RAPGEF1: variants seen among roughly 807,000 people sequenced by gnomAD.
The protein encoded by RAPGEF1 is Rap guanine nucleotide exchange factor 1, also known as CRK SH3-binding GNRP.
Under a neutral mutation model 143.3 loss-of-function variants are expected in RAPGEF1, and 33 were observed. The observed-to-expected ratio is 0.23, with a 90% CI of 0.17 to 0.31. RAPGEF1 has a LOEUF of 0.31. RAPGEF1 is among the 10% of genes least tolerant of loss of function. The probability of loss-of-function intolerance (pLI) is 1.00; values close to 1 mark genes in which losing one functional copy is unlikely to be tolerated. For missense variants in RAPGEF1, 1,199 were observed against 1,645.4 expected, an observed-to-expected ratio of 0.73 and a Z score of 4.69; for synonymous variants, 629 against 676.5, an observed-to-expected ratio of 0.93 and a Z score of 1.09.
At chr9:131,702,370 T>C (rs1371022963) in intron 1 of RAPGEF1, among the ~76,000 whole-genome samples, 3 of 152,198 alleles carry the variant, frequency 2.0e-5, no homozygotes, top group African/African-American at 7.2e-5. Flanking sequence ...AACTCAGCAC[T>C]TGAATGAGAT....
At chr9:131,724,064 T>C (rs1431880082) in intron 1 of RAPGEF1, among the ~76,000 whole-genome samples, 3 of 152,222 alleles carry the variant, frequency 2.0e-5, no homozygotes, top group Non-Finnish European at 4.4e-5. Context: ...AATGGAATAG[T>C]TGATACCAGT....
At chr9:131,639,467 T>TGTGA (rs1233904740) in intron 4 of RAPGEF1, among the ~76,000 whole-genome samples, 17 of 143,334 alleles carry the variant, frequency 1.2e-4, no homozygotes, top group Admixed American at 3.5e-4. Flanking sequence ...TGTGTGTGTG[T>TGTGA]GAGAGAGAGA....
Position 131,650,850 on chromosome 9 carries a change from G to C in RAPGEF1, c.161C>G (p.Ala54Gly). ...KRTPSKKGKPAEVSVKIPEKP... is the reference protein window; with the variant it reads ...KRTPSKKGKPGEVSVKIPEKP... ...CTCTGGAATCTTTACGGACACCTCA[G>C]CTGGTTTTCCCTTCTTTGATGGCGT... Residue 54 changes from alanine to glycine, a missense_variant, in exon 2 of 27, where the codon GCT (alanine) becomes GGT (glycine). Ala to Gly is a moderately conservative substitution (Grantham distance 60). This residue lies in a region of RAPGEF1 where 613 missense variants were observed against 710.9 expected (regional missense o/e 0.86). Transcript: ENST00000683357. The surrounding 1 kb of genome is among the most constrained non-coding windows in gnomAD (Gnocchi z 4.7). The C allele has an allele frequency of 6.2e-7, 1 of 1,614,028 alleles. No individual in the cohort carries two copies. Among genetic ancestry groups the C allele is most frequent in the Non-Finnish European group, 8.5e-7 (1 of 1,179,900 alleles).
At chr9:131,639,847 A>G (rs1018748186) in intron 4 of RAPGEF1, among the ~76,000 whole-genome samples, 1 of 152,260 alleles carries the variant, frequency 6.6e-6, no homozygotes, top group East Asian at 1.9e-4. Flanking sequence ...ATTTAGAACA[A>G]AAATGTGAAC....
chr9:131,600,913 T>G lies in RAPGEF1; in HGVS notation c.2501+1148A>C, dbSNP rs1956159500. Among the ~76,000 whole-genome samples the G allele has an allele frequency of 9.2e-5, 14 of 152,276 alleles. 1 individual carries two copies. The South Asian group carries it at 2.9e-3, about 32-fold the overall frequency. ...GCTCACGCCTGTAATCCCAGCACTTTGGGAGGCTGGGGCAGGTGGATCATG... is the reference window on the plus strand; with the variant it reads ...GCTCACGCCTGTAATCCCAGCACTTGGGGAGGCTGGGGCAGGTGGATCATG... On this transcript the variant is annotated intron_variant, in intron 15 of 26. Transcript: ENST00000683357.
intron 14 of RAPGEF1, among the ~76,000 whole-genome samples, chr9:131,603,483 G>A (rs1362269892): frequency 6.6e-6 from 1 of 152,280 alleles, no homozygotes; most frequent in African/African-American, 2.4e-5. Flanking sequence ...AGGGGCTATG[G>A]GCCAGACTCA....
chr9:131,636,099 A>G (rs1160803301), intron 5 of RAPGEF1, among the ~76,000 whole-genome samples: 1 of 152,206 alleles, frequency 6.6e-6, no homozygotes, highest in East Asian at 1.9e-4. Flanking sequence ...AAGGAAGGTC[A>G]TCATACCCTT....
chr9:131,714,914 G>A (rs757394810), intron 1 of RAPGEF1, among the ~76,000 whole-genome samples: 24 of 151,960 alleles, frequency 1.6e-4, no homozygotes, highest in Non-Finnish European at 2.9e-5. Flanking sequence ...ATCTTGCTTG[G>A]TTGCCAGGCT....
rs1967897125 is a variant in RAPGEF1 at position 131,641,292 on chromosome 9, C to G, written c.494+1947G>C. ...CCTCTTCCCACTGTTCCCCTCTCGT[C>G]CATGCTCTAGGACATATACCCTCTG... On this transcript the variant is annotated intron_variant, in intron 4 of 26. Coordinates refer to ENST00000683357, the MANE Select transcript of RAPGEF1 (RefSeq NM_001377935.1). The surrounding 1 kb of genome is among the most constrained non-coding windows in gnomAD (Gnocchi z 4.6). 6.6e-6 allele frequency among the ~76,000 whole-genome samples: 1 copy of G among 152,192 alleles called. No individual in the cohort carries two copies. The highest frequency in any genetic ancestry group is 6.5e-5 in the Admixed American group (1 of 15,284).
At chr9:131,724,727 T>C (rs749879195) in intron 1 of RAPGEF1, among the ~76,000 whole-genome samples, 53 of 152,270 alleles carry the variant, frequency 3.5e-4, no homozygotes, top group South Asian at 3.3e-3. Context: ...CTCTGATGGA[T>C]GAAATGAGTT....
chr9:131,656,021 C>G (rs1444614872), intron 1 of RAPGEF1, among the ~76,000 whole-genome samples: 1 of 152,118 alleles, frequency 6.6e-6, no homozygotes, highest in Non-Finnish European at 1.5e-5. Context: ...CTTGAGATGG[C>G]TGATGTGATG....
At chr9:131,636,792 T>C (rs550556465) in intron 5 of RAPGEF1, among the ~76,000 whole-genome samples, 2 of 152,290 alleles carry the variant, frequency 1.3e-5, no homozygotes, top group African/African-American at 2.4e-5. Context: ...TGTGCTACTG[T>C]GAGGACCAGA....
intron 1 of RAPGEF1, among the ~76,000 whole-genome samples, chr9:131,666,383 C>A (rs12115749): frequency 0.036 from 5,418 of 150,512 alleles, 205 homozygotes; most frequent in East Asian, 0.088. Context: ...GTAATTAAAA[C>A]AAAATTTTTT....
intron 1 of RAPGEF1, among the ~76,000 whole-genome samples, chr9:131,696,156 C>A (rs1402507515): frequency 6.6e-6 from 1 of 152,150 alleles, no homozygotes; most frequent in Non-Finnish European, 1.5e-5. Flanking sequence ...GACAGGCTGG[C>A]GGAAGCTACA....
At chr9:131,615,463 G>A (rs1245646603) in intron 12 of RAPGEF1, among the ~76,000 whole-genome samples, 1 of 152,214 alleles carries the variant, frequency 6.6e-6, no homozygotes, top group Non-Finnish European at 1.5e-5. Flanking sequence ...GCATCTCTCG[G>A]TCTGAAGCCT....
chr9:131,620,099 G>A (rs528853199), intron 11 of RAPGEF1, among the ~76,000 whole-genome samples: 4 of 152,244 alleles, frequency 2.6e-5, no homozygotes, highest in East Asian at 1.9e-4. Flanking sequence ...ACAGGCCTCC[G>A]GGGGCTGAGC....
chr9:131,609,847 A>G (rs1488444513), intron 12 of RAPGEF1, among the ~76,000 whole-genome samples: 1 of 152,148 alleles, frequency 6.6e-6, no homozygotes, highest in East Asian at 1.9e-4. Context: ...TGGAAAAAGG[A>G]TTAGGGATGG....
chr9:131,629,054 T>C (rs775085671), intron 7 of RAPGEF1, 48 bp downstream of exon 7: 3 of 1,581,932 alleles, frequency 1.9e-6, no homozygotes, highest in Non-Finnish European at 1.7e-6. Flanking sequence ...CCTCCCTTTC[T>C]TTCTCATTCT....
At chr9:131,622,107 CAG>C in intron 10 of RAPGEF1, 109 bp from the exon 11 acceptor site, 3 of 1,051,494 alleles carry the variant, frequency 2.9e-6, no homozygotes, top group South Asian at 1.4e-5. Context: ...GAAAGCACCT[CAG>C]AGAGGGACGA....
Sources: allele counts gnomAD v4.1 joint callset (sites outside exome capture counted in the v4.1 genomes callset), GRCh38; gene constraint gnomAD v4.1.1; regional missense constraint gnomAD v4.1.1; non-coding constraint Gnocchi (gnomAD v3.1); transcripts MANE v1.5; gene names NCBI Gene and HGNC (gene_info 2026-07-23, HGNC 2026-07-21).